Variants in SLC39A11 observed in about 807,000 individuals in gnomAD.
SLC39A11 encodes the protein zinc transporter ZIP11.
In SLC39A11, 33 loss-of-function variants were observed where a neutral mutation model predicts 36.1. That is an observed-to-expected ratio of 0.91 (90% CI 0.69 to 1.22). The LOEUF is 1.22. SLC39A11 is among the 50% of genes most tolerant of loss of function. SLC39A11 has a pLI of 0.00. For synonymous variants in SLC39A11, 166 were observed against 170.3 expected, an observed-to-expected ratio of 0.97 and a Z score of 0.20; for missense variants, 432 against 430.3, an observed-to-expected ratio of 1.00 and a Z score of -0.03.
intron 5 of SLC39A11, among the ~76,000 whole-genome samples, chr17:72,916,948 C>T (rs1466758593): frequency 6.6e-6 from 1 of 152,208 alleles, no homozygotes; most frequent in Non-Finnish European, 1.5e-5. Flanking sequence ...AATTCATACA[C>T]TTCTGAAAAC....
chr17:73,004,977 C>T, intron 4 of SLC39A11, among the ~76,000 whole-genome samples: 1 of 152,278 alleles, frequency 6.6e-6, no homozygotes, highest in Non-Finnish European at 1.5e-5. Flanking sequence ...CACATATACA[C>T]ATGTCATGTT....
At chr17:72,848,218 T>C (rs996631353) in intron 6 of SLC39A11, among the ~76,000 whole-genome samples, 1 of 152,208 alleles carries the variant, frequency 6.6e-6, no homozygotes, top group African/African-American at 2.4e-5. Flanking sequence ...GTTCAAGCAA[T>C]TCGTCAAGAT....
intron 4 of SLC39A11, among the ~76,000 whole-genome samples, chr17:72,961,738 G>C (rs1038954024): frequency 8.5e-5 from 13 of 152,226 alleles, no homozygotes; most frequent in African/African-American, 3.1e-4. Flanking sequence ...GGGCCTGTCA[G>C]GAGGTGGGGG....
intron 7 of SLC39A11, among the ~76,000 whole-genome samples, chr17:72,731,377 GT>G (rs2074207503): frequency 1.3e-5 from 2 of 152,218 alleles, no homozygotes; most frequent in African/African-American, 4.8e-5. Flanking sequence ...CACATCTCAT[GT>G]GGAATTGTAA....
intron 7 of SLC39A11, among the ~76,000 whole-genome samples, chr17:72,681,862 G>T (rs1475086408): frequency 2.6e-5 from 4 of 151,888 alleles, no homozygotes; most frequent in Non-Finnish European, 5.9e-5. Flanking sequence ...TTACTTTATT[G>T]TAAGAATACA....
chr17:72,827,851 G>A (rs905890658), intron 6 of SLC39A11, among the ~76,000 whole-genome samples: 1 of 152,224 alleles, frequency 6.6e-6, no homozygotes, highest in African/African-American at 2.4e-5. Flanking sequence ...CTCGCAGACA[G>A]ACCCCTGGCC....
At chr17:72,955,296 C>CTGTTTTT (rs2086161666) in intron 4 of SLC39A11, among the ~76,000 whole-genome samples, 1 of 25,806 alleles carries the variant, frequency 3.9e-5, no homozygotes, top group African/African-American at 1.1e-4. Context: ...CTTTTCAGTT[C>CTGTTTTT]TCTTTTTTTT....
At chr17:72,871,495 C>T (rs1161774859) in intron 5 of SLC39A11, among the ~76,000 whole-genome samples, 1 of 152,128 alleles carries the variant, frequency 6.6e-6, no homozygotes, top group African/African-American at 2.4e-5. Flanking sequence ...GGCCCCACAC[C>T]CAAACCTGGC....
chr17:72,848,882 C>T (rs2079170482), intron 6 of SLC39A11, among the ~76,000 whole-genome samples: 2 of 152,110 alleles, frequency 1.3e-5, no homozygotes, highest in African/African-American at 2.4e-5. Context: ...ACAATGCAGA[C>T]GTTAGGAATG....
At chr17:72,809,326 G>A (rs549805379) in intron 6 of SLC39A11, among the ~76,000 whole-genome samples, 204 of 151,950 alleles carry the variant, frequency 1.3e-3, no homozygotes, top group African/African-American at 2.1e-3. Context: ...TTCTCCTGCC[G>A]TGGTACAGGA....
At chr17:72,656,864 C>T (rs903580381) in intron 7 of SLC39A11, among the ~76,000 whole-genome samples, 1 of 152,086 alleles carries the variant, frequency 6.6e-6, no homozygotes, top group African/African-American at 2.4e-5. Flanking sequence ...ACATCGAAGG[C>T]CGGGCATGGT....
intron 7 of SLC39A11, among the ~76,000 whole-genome samples, chr17:72,709,602 A>C (rs1462432474): frequency 6.6e-6 from 1 of 152,260 alleles, no homozygotes; most frequent in African/African-American, 2.4e-5. Context: ...TGTTGGGCAA[A>C]GAAATGATGA....
intron 6 of SLC39A11, among the ~76,000 whole-genome samples, chr17:72,841,497 A>G (rs1163828199): frequency 6.6e-6 from 1 of 152,176 alleles, no homozygotes; most frequent in Non-Finnish European, 1.5e-5. Flanking sequence ...CTAAAAATTA[A>G]AACAATTGAA....
At chr17:73,026,234 A>G (rs200121337) in intron 4 of SLC39A11, among the ~76,000 whole-genome samples, 10 of 11,284 alleles carry the variant, frequency 8.9e-4, no homozygotes, top group Non-Finnish European at 1.2e-3. Context: ...GAGAAGAGAA[A>G]AGGGAAAAGC....
At chr17:72,970,750 G>C (rs1268774790) in intron 4 of SLC39A11, among the ~76,000 whole-genome samples, 1 of 152,208 alleles carries the variant, frequency 6.6e-6, no homozygotes, top group African/African-American at 2.4e-5. Flanking sequence ...AGTGGATCCT[G>C]GGGTCACCTT....
rs1356919141 is a variant in SLC39A11, at chr17:72,813,386, C to A, written c.601+36248G>T. Among the ~76,000 whole-genome samples, 3 of 152,312 alleles carry A rather than the reference C, an allele frequency of 2.0e-5. No homozygotes were observed. In the East Asian group the frequency reaches 5.8e-4, roughly 29 times the overall value. Reference sequence around the variant, plus strand: ...TTTGTCTAATTAAGACACCCATTTTCTCTAATTAGAATAAGCAGAGCTACT... The same window carrying A: ...TTTGTCTAATTAAGACACCCATTTTATCTAATTAGAATAAGCAGAGCTACT... On this transcript the variant is annotated intron_variant, in intron 6 of 9. Coordinates refer to ENST00000255559, the MANE Select transcript of SLC39A11 (RefSeq NM_139177.4).
In SLC39A11 at chr17:73,031,660, T is replaced by A; in HGVS notation, c.202A>T (p.Thr68Ser). 6.2e-7 allele frequency: 1 copy of A among 1,614,126 alleles called. No homozygotes were observed. Among genetic ancestry groups the A allele is most frequent in the Non-Finnish European group, 8.5e-7 (1 of 1,180,034 alleles). The change falls in exon 4 of 10, where the codon ACG becomes TCG. Residue 68 changes from threonine to serine, a missense_variant. Thr to Ser is a moderately conservative substitution (Grantham distance 58). Transcript: ENST00000255559. ...SLLAPAVEMA[T>S]SSGGFGAFAF... ...AAGGCACCGAAGCCCCCAGAGGACG[T>A]GGCCATCTCAACTGCTGGGGCCAGA...
At chr17:72,890,683 C>T (rs2081693659) in intron 5 of SLC39A11, among the ~76,000 whole-genome samples, 1 of 152,158 alleles carries the variant, frequency 6.6e-6, no homozygotes, top group Admixed American at 6.6e-5. Flanking sequence ...TTCATTCTGA[C>T]ATTTAGGAAA....
At chr17:73,006,152 TAAGGGTGG>T (rs2090168795) in intron 4 of SLC39A11, among the ~76,000 whole-genome samples, 1 of 152,024 alleles carries the variant, frequency 6.6e-6, no homozygotes, top group Admixed American at 6.6e-5. Flanking sequence ...AACACATGGA[TAAGGGTGG>T]CGTCCATGAG....
Sources: allele counts gnomAD v4.1 joint callset (sites outside exome capture counted in the v4.1 genomes callset), GRCh38; gene constraint gnomAD v4.1.1; transcripts MANE v1.5; gene names NCBI Gene and HGNC (gene_info 2026-07-23, HGNC 2026-07-21).